The following POFUT2 variants were observed in gnomAD, a reference collection of about 807,000 sequenced individuals.
The protein encoded by POFUT2 is protein O-fucosyltransferase 2.
A neutral mutation model predicts 55.0 loss-of-function variants in POFUT2; 30 were observed. That is an observed-to-expected ratio of 0.55 (90% CI 0.41 to 0.74). POFUT2 has a LOEUF of 0.74. Among genes scored for constraint, POFUT2 ranks in the 30% least tolerant of loss-of-function variants. The pLI is 0.00. For missense variants in POFUT2, 524 were observed against 562.6 expected (o/e 0.93, Z 0.69); for synonymous variants, 267 against 231.1 (o/e 1.16, Z -1.41).
chr21:45,276,827 C>T (rs1225648948), intron 6 of POFUT2, among the ~76,000 whole-genome samples, 190 bp downstream of exon 6: 2 of 152,136 alleles, frequency 1.3e-5, no homozygotes, highest in African/African-American at 2.4e-5. Context: ...CTGCACATGA[C>T]GAGGGCCCCA....
At chr21:45,280,666 C>G (rs1223274456) in intron 4 of POFUT2, among the ~76,000 whole-genome samples, 1 of 147,906 alleles carries the variant, frequency 6.8e-6, no homozygotes, top group East Asian at 1.9e-4. Context: ...TCACCTCACC[C>G]CAGGCTGCCC....
chr21:45,283,400 G>C lies in POFUT2; in HGVS notation c.510C>G (p.Asp170Glu). ...PCIDQLLYSQ[D>E]KHEYYRGWFW... ...GCAGGCACCTGTAGTACTCGTGCTTGTCCTGGGAGTACAGGAGCTGATCAA... is the reference window on the plus strand; with the variant it reads ...GCAGGCACCTGTAGTACTCGTGCTTCTCCTGGGAGTACAGGAGCTGATCAA... Residue 170 changes from aspartate (D) to glutamate (E), a missense_variant, in exon 3 of 9, where the codon GAC (aspartate) becomes GAG (glutamate). Asp to Glu is a conservative substitution (Grantham distance 45). Around this residue, in one of 2 missense-constraint regions of POFUT2, gnomAD observed 274 missense variants for 244.4 expected, o/e 1.12. Transcript: ENST00000349485. 1 of 1,609,814 alleles carries C rather than the reference G, an allele frequency of 6.2e-7. No homozygotes were observed. Among genetic ancestry groups the C allele is most frequent in the South Asian group, 1.1e-5 (1 of 90,924 alleles).
chr21:45,266,109 T>C, intron 8 of POFUT2: 3 of 1,354,224 alleles, frequency 2.2e-6, no homozygotes, highest in South Asian at 2.3e-5. Flanking sequence ...ACACACACGC[T>C]GTATGGGCTG....
At chr21:45,266,706 C>T in intron 8 of POFUT2, 1 of 1,002,294 alleles carries the variant, frequency 1.0e-6, no homozygotes, top group Non-Finnish European at 1.2e-6. Context: ...GGGTCTTACA[C>T]ACCATGCCCA....
chr21:45,278,167 G>C lies in POFUT2; in HGVS notation c.641C>G (p.Ser214Cys). The C allele has an allele frequency of 6.2e-7, 1 of 1,611,228 alleles. No homozygotes were observed. The highest frequency in any genetic ancestry group is 8.5e-7 in the Non-Finnish European group (1 of 1,177,406). ...GTTCTCGGCTCTGTCTAACATCACG[G>C]ACCTGTTTTTAAACAACAGAAGAAT... Reference protein sequence around the residue: ...PLLLRNTSARSVMLDRAENLL... With the variant: ...PLLLRNTSARCVMLDRAENLL... The change falls in exon 5 of 9, where the codon TCC becomes TGC. Residue 214 changes from serine (S) to cysteine (C), a missense_variant and splice_region_variant. By Grantham distance (112) the Ser-to-Cys change is moderately radical. Transcript: ENST00000349485.
rs938571397 is a variant in POFUT2 at position 45,267,987 on chromosome 21, T to C, written c.1013-274A>G. Among the ~76,000 whole-genome samples, 3 of 151,762 alleles carry C rather than the reference T, an allele frequency of 2.0e-5. No individual in the cohort carries two copies. The highest frequency in any genetic ancestry group is 4.4e-5 in the Non-Finnish European group (3 of 67,924). On this transcript the variant is annotated intron_variant, in intron 7 of 8. Transcript: ENST00000349485. The surrounding 1 kb of genome is among the most constrained non-coding windows in gnomAD (Gnocchi z 4.4). The stretch of plus-strand genomic sequence containing the variant: ...AACGTGCTCCCTCTCCCTCTCCTTC[T>C]CCCTCTCCCTCTCCCCACGGTCTCC...
rs1487594496 is a variant in POFUT2 at position 45,277,773 on chromosome 21, G to C, written c.705+330C>G. The C allele has an allele frequency of 8.1e-6, 3 of 371,830 alleles. No individual in the cohort carries two copies. Among genetic ancestry groups the C allele is most frequent in the Non-Finnish European group, 1.5e-5 (3 of 202,510 alleles). 23.0% of individuals were successfully genotyped at this position (371,830 alleles called of 1,614,324 possible). On this transcript the variant is annotated intron_variant, in intron 5 of 8. Transcript: ENST00000349485. The surrounding 1 kb of genome is among the most constrained non-coding windows in gnomAD (Gnocchi z 6.9). ...GCAGAGAATAGTCCCACCTTTCAAAGCTAAAGAGAGGAGAAAGGAGGGGTC... is the reference window on the plus strand; with the variant it reads ...GCAGAGAATAGTCCCACCTTTCAAACCTAAAGAGAGGAGAAAGGAGGGGTC...
In POFUT2 at chr21:45,285,688, C is replaced by G. The variant is rs780546676; in HGVS notation, c.372G>C (p.Gln124His). Reference protein sequence around the residue: ...NKNIPVIEYEQFIAESGGPFI... With the variant: ...NKNIPVIEYEHFIAESGGPFI... The stretch of plus-strand genomic sequence containing the variant: ...GCCGCTCGGCCTCACCTGCGATGAA[C>G]TGCTCATACTCGATGACGGGGATGT... The change falls in exon 2 of 9, where the codon CAG becomes CAC. Residue 124 changes from glutamine to histidine, a missense_variant. By Grantham distance (24) the Gln-to-His change is conservative (BLOSUM62 0). Coordinates refer to ENST00000349485, the MANE Select transcript of POFUT2 (RefSeq NM_133635.6). This position sits in a 1 kb window ranked among gnomAD's most constrained non-coding sequence, Gnocchi z 4.9. The G allele has an allele frequency of 3.1e-6, 5 of 1,613,816 alleles. No homozygotes were observed. In the East Asian group the frequency reaches 1.1e-4, roughly 36 times the overall value.
Position 45,277,076 on chromosome 21 carries a change from G to C in POFUT2, c.772C>G (p.Leu258Val). The change falls in exon 6 of 9, where the codon CTC becomes GTC. Residue 258 changes from leucine (L) to valine (V), a missense_variant. Physicochemically the swap from Leu to Val is conservative, Grantham distance 32. Around this residue, in one of 2 missense-constraint regions of POFUT2, gnomAD observed 250 missense variants for 318.2 expected, o/e 0.79. Transcript: ENST00000349485. This position sits in a 1 kb window ranked among gnomAD's most constrained non-coding sequence, Gnocchi z 6.9. ...EVGDEFRSRH[L>V]NSTDDADRIP... ...CTGTCTGCGTCGTCCGTGGAGTTGA[G>C]ATGTCTGCTCCTGAACTCGTCTCCC... 1 of 1,614,020 alleles carries C rather than the reference G, an allele frequency of 6.2e-7. No individual in the cohort carries two copies. The highest frequency in any genetic ancestry group is 8.5e-7 in the Non-Finnish European group (1 of 1,179,894).
At chr21:45,276,545 C>T (rs1163758426) in intron 6 of POFUT2, among the ~76,000 whole-genome samples, 1 of 152,192 alleles carries the variant, frequency 6.6e-6, no homozygotes, top group Non-Finnish European at 1.5e-5. Flanking sequence ...TTTCAGAAAA[C>T]ACTTAAAAAT....
chr21:45,285,865 T>G lies in POFUT2; in HGVS notation c.195A>C (p.Arg65=), dbSNP rs767894151. The G allele has an allele frequency of 3.7e-6, 6 of 1,613,086 alleles. No homozygotes were observed. In the Admixed American group the frequency reaches 1.0e-4, roughly 27 times the overall value. ...GCAGAGTCTTCAGGAGAGAGGCGATTCGGATATAGACATCCCTGCGCAGGT... is the reference window on the plus strand; with the variant it reads ...GCAGAGTCTTCAGGAGAGAGGCGATGCGGATATAGACATCCCTGCGCAGGT... ...GFNLRRDVYI[R]IASLLKTLLK... is the part of the protein sequence containing the mutation. The change falls in exon 2 of 9, where the codon CGA becomes CGC. Residue 65 remains arginine, a synonymous_variant. Coordinates refer to ENST00000349485, the MANE Select transcript of POFUT2 (RefSeq NM_133635.6). The surrounding 1 kb of genome is among the most constrained non-coding windows in gnomAD (Gnocchi z 4.9).
Position 45,280,433 on chromosome 21 carries a change from A to G in POFUT2, c.638+1916T>C, listed in dbSNP as rs111393284. Among the ~76,000 whole-genome samples, 264 of 152,242 alleles carry G rather than the reference A, an allele frequency of 1.7e-3. 1 individual carries two copies. The highest frequency in any genetic ancestry group is 6.1e-3 in the African/African-American group (252 of 41,540). On this transcript the variant is annotated intron_variant, in intron 4 of 8. Coordinates refer to ENST00000349485, the MANE Select transcript of POFUT2 (RefSeq NM_133635.6). ...CGTGTTTTCCTGGTCCGGGGAGGCTATGAACGTTCCTGGGCAGGGGTCTGC... is the reference window on the plus strand; with the variant it reads ...CGTGTTTTCCTGGTCCGGGGAGGCTGTGAACGTTCCTGGGCAGGGGTCTGC...
At chr21:45,279,381 C>T (rs573464213) in intron 4 of POFUT2, among the ~76,000 whole-genome samples, 91 of 152,022 alleles carry the variant, frequency 6.0e-4, no homozygotes, top group South Asian at 4.4e-3. Context: ...GGCAACAGAG[C>T]AAGACTCAGT....
chr21:45,266,593 C>G (rs1278380184), intron 8 of POFUT2: 1 of 1,058,744 alleles, frequency 9.4e-7, no homozygotes, highest in East Asian at 7.9e-5. Flanking sequence ...TAACTGGGCT[C>G]CTGCACACCT....
At position 45,285,825 on chromosome 21, in the gene POFUT2, ACTC is replaced by A. The variant is rs1450131232; in HGVS notation, c.232_234del (p.Glu78del). On this transcript the variant is annotated inframe_deletion, in exon 2 of 9. Transcript: ENST00000349485. This position sits in a 1 kb window ranked among gnomAD's most constrained non-coding sequence, Gnocchi z 4.9. ...CCCCATGGAGGCAGGACAAGCACCCACTCCTCCGTCTTCAGCAGAGTCTTCAGG... is the reference window on the plus strand; with the variant it reads ...CCCCATGGAGGCAGGACAAGCACCCACTCCGTCTTCAGCAGAGTCTTCAGG... 6.2e-7 allele frequency: 1 copy of A among 1,613,052 alleles called. No homozygotes were observed. Among genetic ancestry groups the A allele is most frequent in the African/African-American group, 1.3e-5 (1 of 74,836 alleles).
At chr21:45,268,128 C>G (rs975593739) in intron 7 of POFUT2, among the ~76,000 whole-genome samples, 2 of 151,324 alleles carry the variant, frequency 1.3e-5, no homozygotes, top group African/African-American at 2.4e-5. Flanking sequence ...CGAGTGCCTG[C>G]GATTGCAGGC....
rs773232446 is a variant in POFUT2, at chr21:45,277,276, G to C, written c.706-134C>G. Reference sequence around the variant, plus strand: ...CCCCTCAGACACGTCATCCACGGTCGCCTGAGAAGCAGCGCCATCCACGGT... The same window carrying C: ...CCCCTCAGACACGTCATCCACGGTCCCCTGAGAAGCAGCGCCATCCACGGT... On this transcript the variant is annotated intron_variant, in intron 5 of 8. Coordinates refer to ENST00000349485, the MANE Select transcript of POFUT2 (RefSeq NM_133635.6). This position sits in a 1 kb window ranked among gnomAD's most constrained non-coding sequence, Gnocchi z 6.9. The C allele has an allele frequency of 5.0e-6, 6 of 1,210,940 alleles. No homozygotes were observed. In the African/African-American group the frequency reaches 9.1e-5, roughly 18 times the overall value. The allele number at this position is 1,210,940 out of a possible 1,614,324, so 75.0% of individuals were successfully genotyped here.
intron 8 of POFUT2, chr21:45,266,697 G>C (rs1245164136): frequency 1.7e-5 from 17 of 1,004,706 alleles, no homozygotes; most frequent in Non-Finnish European, 1.9e-5. Context: ...AGCCTCTGTG[G>C]GTCTTACACA....
Position 45,281,389 on chromosome 21 carries a change from A to G in POFUT2, c.638+960T>C, listed in dbSNP as rs1332775712. On this transcript the variant is annotated intron_variant, in intron 4 of 8. Transcript: ENST00000349485. This position sits in a 1 kb window ranked among gnomAD's most constrained non-coding sequence, Gnocchi z 5.0. ...AAGCTGCATCTCAACAACCAAAACA[A>G]TTCAGCCTAGCTCCCTCCACAACCT... Among the ~76,000 whole-genome samples, 3 of 152,152 alleles carry G rather than the reference A, an allele frequency of 2.0e-5. No individual in the cohort carries two copies. The highest frequency in any genetic ancestry group is 3.9e-4 in the East Asian group (2 of 5,186).
Sources: allele counts gnomAD v4.1 joint callset (sites outside exome capture counted in the v4.1 genomes callset), GRCh38; gene constraint gnomAD v4.1.1; regional missense constraint gnomAD v4.1.1; non-coding constraint Gnocchi (gnomAD v3.1); transcripts MANE v1.5; gene names NCBI Gene and HGNC (gene_info 2026-07-23, HGNC 2026-07-21).